The following RAD51B variants were observed in gnomAD, a reference collection of about 807,000 sequenced individuals.
RAD51B encodes RAD51 paralog B, also known as DNA repair protein RAD51 homolog 2.
Under a neutral mutation model 42.2 loss-of-function variants are expected in RAD51B, and 38 were observed. That is an observed-to-expected ratio of 0.90 (90% CI 0.70 to 1.18). The LOEUF is 1.18. RAD51B is among the 50% of genes most tolerant of loss of function. RAD51B has a pLI of 0.00. For synonymous variants in RAD51B, 154 were observed against 145.2 expected, an observed-to-expected ratio of 1.06 and a Z score of -0.43; for missense variants, 373 against 400.7, an observed-to-expected ratio of 0.93 and a Z score of 0.59.
At chr14:68,049,293 A>T (rs1034059396) in intron 7 of RAD51B, among the ~76,000 whole-genome samples, 4 of 152,190 alleles carry the variant, frequency 2.6e-5, no homozygotes, top group African/African-American at 9.7e-5. Context: ...CCAACATGGC[A>T]CATGTATACA....
intron 7 of RAD51B, among the ~76,000 whole-genome samples, chr14:68,278,800 C>G (rs2081269645): frequency 2.0e-5 from 3 of 152,186 alleles, no homozygotes; most frequent in African/African-American, 7.2e-5. Context: ...ACAGCAAAAC[C>G]CACAAGAAAC....
chr14:68,550,140 G>A (rs527357180), intron 10 of RAD51B, among the ~76,000 whole-genome samples: 11 of 152,322 alleles, frequency 7.2e-5, no homozygotes, highest in South Asian at 6.2e-4. Context: ...CACACGCTGC[G>A]CCGTGCTCCC....
At position 67,887,325 on chromosome 14, in the gene RAD51B, A is replaced by T. The variant is rs370477035; in HGVS notation, c.756+121A>T. On this transcript the variant is annotated intron_variant, in intron 7 of 10. Transcript: ENST00000471583. ...GAAAATGTAAAACAGATGACTTTTTAAAGGTAGTACAGTCTAATTGCTATA... is the reference window on the plus strand; with the variant it reads ...GAAAATGTAAAACAGATGACTTTTTTAAGGTAGTACAGTCTAATTGCTATA... 8.2e-6 allele frequency: 7 copies of T among 851,534 alleles called. No homozygotes were observed. In the South Asian group the frequency reaches 1.1e-4, roughly 14 times the overall value. The allele number at this position is 851,534 out of a possible 1,614,324, so 52.7% of individuals were successfully genotyped here.
chr14:68,556,390 C>T (rs915917013), intron 10 of RAD51B, among the ~76,000 whole-genome samples: 1 of 152,160 alleles, frequency 6.6e-6, no homozygotes, highest in East Asian at 1.9e-4. Flanking sequence ...TTGTCTGAAG[C>T]GTCCTCAGCA....
intron 5 of RAD51B, among the ~76,000 whole-genome samples, chr14:67,873,062 T>C (rs931431244): frequency 6.6e-5 from 10 of 152,138 alleles, no homozygotes; most frequent in Non-Finnish European, 1.5e-4. Flanking sequence ...CTTAAAGCAA[T>C]GGCAACAAAA....
At chr14:68,365,685 T>C (rs2083128338) in intron 8 of RAD51B, among the ~76,000 whole-genome samples, 1 of 152,238 alleles carries the variant, frequency 6.6e-6, no homozygotes, top group Non-Finnish European at 1.5e-5. Context: ...TTTCATTCTC[T>C]CATGTGAGCA....
chr14:68,515,830 T>A (rs369931019), intron 10 of RAD51B, among the ~76,000 whole-genome samples: 1 of 146,436 alleles, frequency 6.8e-6, no homozygotes, highest in African/African-American at 2.5e-5. Flanking sequence ...CAGGCTGGAG[T>A]GCTGGAGTGC....
intron 7 of RAD51B, among the ~76,000 whole-genome samples, chr14:68,142,083 T>C (rs1027225249): frequency 6.6e-6 from 1 of 152,214 alleles, no homozygotes; most frequent in Non-Finnish European, 1.5e-5. Flanking sequence ...TCTGTTACAC[T>C]GAAATGAATA....
intron 7 of RAD51B, among the ~76,000 whole-genome samples, chr14:68,144,510 T>G (rs976060695): frequency 2.0e-5 from 3 of 152,252 alleles, no homozygotes; most frequent in African/African-American, 7.2e-5. Flanking sequence ...GATTAAAATC[T>G]CACACAGTCA....
intron 7 of RAD51B, among the ~76,000 whole-genome samples, chr14:68,057,662 A>G (rs1319293447): frequency 6.6e-6 from 1 of 151,948 alleles, no homozygotes; most frequent in Non-Finnish European, 1.5e-5. Flanking sequence ...TTTTTTTGTC[A>G]TTTACTAGAA....
chr14:68,610,854 T>TG (rs1181145185), intron 10 of RAD51B, among the ~76,000 whole-genome samples: 1 of 136,378 alleles, frequency 7.3e-6, no homozygotes, highest in Non-Finnish European at 1.6e-5. Flanking sequence ...TGTGTGTGTG[T>TG]GTGTGTGTGT....
Position 68,595,615 on chromosome 14 carries a change from C to G in RAD51B, c.*1012C>G, listed in dbSNP as rs961762461. The G allele has an allele frequency of 2.5e-5, 27 of 1,063,460 alleles. No homozygotes were observed. In the African/African-American group the frequency reaches 3.8e-4, roughly 15 times the overall value. 65.9% of individuals were successfully genotyped at this position (1,063,460 alleles called of 1,614,324 possible). On this transcript the variant is annotated 3_prime_UTR_variant, in exon 11 of 11. Transcript: ENST00000487270. The stretch of plus-strand genomic sequence containing the variant: ...CAAGGGAGCAGCCTGAGTCAGTCTC[C>G]CCAATGTCTACATTGTGTTATTTAT...
Position 68,678,786 on chromosome 14 carries a change from C to T in RAD51B, c.*11+27930C>T, listed in dbSNP as rs1893365788. Among the ~76,000 whole-genome samples, 6 of 152,290 alleles carry T rather than the reference C, an allele frequency of 3.9e-5. 1 individual carries two copies. The South Asian group carries it at 1.2e-3, about 32-fold the overall frequency. The stretch of plus-strand genomic sequence containing the variant: ...CTAGGCAGAGGCAGTCCATCTGGAA[C>T]TCTAGCTTCTGTGGCATGAAATGGC... On this transcript the variant is annotated intron_variant, in intron 11 of 11. Transcript: ENST00000488612.
chr14:68,049,288 A>G (rs1017269408), intron 7 of RAD51B, among the ~76,000 whole-genome samples: 4 of 152,198 alleles, frequency 2.6e-5, no homozygotes, highest in African/African-American at 4.8e-5. Flanking sequence ...GCACACCAAC[A>G]TGGCACATGT....
At chr14:68,426,775 C>T (rs1293543006) in intron 9 of RAD51B, among the ~76,000 whole-genome samples, 1 of 152,106 alleles carries the variant, frequency 6.6e-6, no homozygotes, top group Non-Finnish European at 1.5e-5. Flanking sequence ...AGAAGAAAGC[C>T]AGATACTATT....
intron 10 of RAD51B, chr14:68,540,143 C>G: frequency 3.1e-6 from 3 of 980,506 alleles, no homozygotes; most frequent in Non-Finnish European, 3.6e-6. Context: ...GCCTCCAGGA[C>G]ATGAGGGAAT....
intron 10 of RAD51B, among the ~76,000 whole-genome samples, chr14:68,622,124 C>T (rs1891962871): frequency 6.6e-6 from 1 of 152,200 alleles, no homozygotes; most frequent in African/African-American, 2.4e-5. Context: ...ACCATCCAGC[C>T]CCATCTGTTC....
chr14:68,215,614 C>T (rs2140952833), intron 7 of RAD51B, among the ~76,000 whole-genome samples: 1 of 152,232 alleles, frequency 6.6e-6, no homozygotes, highest in East Asian at 1.9e-4. Context: ...AAAATTAGAC[C>T]CAGGCTTTCT....
intron 7 of RAD51B, among the ~76,000 whole-genome samples, chr14:67,921,742 G>T (rs2044333938): frequency 6.6e-6 from 1 of 152,010 alleles, no homozygotes; most frequent in Non-Finnish European, 1.5e-5. Context: ...AAAAATCCCA[G>T]TTCCCAACTG....
Sources: gnomAD v4.1 joint callset for allele counts (sites outside exome capture counted in the v4.1 genomes callset) on GRCh38, gnomAD v4.1.1 for gene constraint, MANE v1.5 for transcripts, NCBI Gene and HGNC (gene_info 2026-07-23, HGNC 2026-07-21) for gene names.